The following ANKRD44 variants were observed in gnomAD, a reference collection of about 807,000 sequenced individuals.
The protein encoded by ANKRD44 is serine/threonine-protein phosphatase 6 regulatory ankyrin repeat subunit B.
ANKRD44 carries 35 observed loss-of-function variants against 116.0 expected under a neutral mutation model. The ratio of observed to expected loss-of-function variants is 0.30; its 90% CI spans 0.23 to 0.40. The LOEUF (loss-of-function observed/expected upper bound fraction) is 0.40. Among genes scored for constraint, ANKRD44 ranks in the 10% least tolerant of loss-of-function variants. The pLI, the probability that ANKRD44 is intolerant of heterozygous loss-of-function variation, is 1.00. For missense variants in ANKRD44, 1,014 were observed against 1,242.6 expected, an observed-to-expected ratio of 0.82 and a Z score of 2.77; for synonymous variants, 435 against 461.8, an observed-to-expected ratio of 0.94 and a Z score of 0.74.
intron 16 of ANKRD44, 66 bp from the exon 17 acceptor site, chr2:197,025,333 GAA>G: frequency 1.5e-6 from 2 of 1,321,178 alleles, no homozygotes; most frequent in Admixed American, 3.5e-5. Flanking sequence ...GTGTAAATGA[GAA>G]AAGAGGTTTC....
chr2:197,177,164 T>C (rs899916619), intron 2 of ANKRD44, among the ~76,000 whole-genome samples: 1 of 152,210 alleles, frequency 6.6e-6, no homozygotes, highest in African/African-American at 2.4e-5. Context: ...GAGTTATTAC[T>C]TTTCCAAAAA....
chr2:197,095,230 C>T (rs898218027), intron 10 of ANKRD44, among the ~76,000 whole-genome samples: 7 of 152,216 alleles, frequency 4.6e-5, no homozygotes, highest in African/African-American at 1.7e-4. Context: ...TTTATCACCA[C>T]ATACCTCTGC....
rs1248171247 is a variant in ANKRD44 at position 197,188,320 on chromosome 2, G to C, written c.28-1214C>G. 3.3e-5 allele frequency among the ~76,000 whole-genome samples: 5 copies of C among 152,178 alleles called. No homozygotes were observed. In the South Asian group the frequency reaches 1.0e-3, roughly 31 times the overall value. On this transcript the variant is annotated intron_variant, in intron 1 of 27. Transcript: ENST00000282272. ...GGTGTATCCAAAAAAGCTTAAGGAA[G>C]GCACCTTAATGAATAAATATGATTT...
chr2:196,990,821 A>T, intron 27 of ANKRD44: 4 of 1,232,298 alleles, frequency 3.2e-6, no homozygotes, highest in Middle Eastern at 3.0e-4. Flanking sequence ...CGAAGTTGAC[A>T]GCCATCATTG....
Position 197,203,503 on chromosome 2 carries a change from T to C in ANKRD44, c.28-16397A>G, listed in dbSNP as rs556290306. ...GAACATTGCTGATTGGAATGTATAA[T>C]AGTGCAGCTGCTGTGGAATTTTATT... On this transcript the variant is annotated intron_variant, in intron 1 of 27. Coordinates refer to ENST00000282272, the MANE Select transcript of ANKRD44 (RefSeq NM_001195144.2). The surrounding 1 kb of genome is among the most constrained non-coding windows in gnomAD (Gnocchi z 4.1). Among the ~76,000 whole-genome samples the C allele has an allele frequency of 1.3e-5, 2 of 152,318 alleles. No homozygotes were observed. Among genetic ancestry groups the C allele is most frequent in the Middle Eastern group, 3.4e-3 (1 of 294 alleles).
At chr2:197,051,767 G>A (rs1313825706) in intron 16 of ANKRD44, among the ~76,000 whole-genome samples, 2 of 152,122 alleles carry the variant, frequency 1.3e-5, no homozygotes, top group Admixed American at 1.3e-4. Context: ...CCAGGGCATT[G>A]TAACCCCTAG....
intron 1 of ANKRD44, among the ~76,000 whole-genome samples, chr2:197,193,227 G>T (rs946567065): frequency 6.6e-6 from 1 of 152,056 alleles, no homozygotes; most frequent in Admixed American, 6.5e-5. Context: ...ATCCTTTGTT[G>T]CTCCTTCCTT....
chr2:197,232,744 C>T (rs756560829), intron 1 of ANKRD44, among the ~76,000 whole-genome samples: 1 of 152,134 alleles, frequency 6.6e-6, no homozygotes, highest in Non-Finnish European at 1.5e-5. Context: ...TGTAAGTTCA[C>T]GAGGCTCCTT....
At chr2:197,278,916 G>C (rs539300289) in intron 1 of ANKRD44, among the ~76,000 whole-genome samples, 1 of 152,344 alleles carries the variant, frequency 6.6e-6, no homozygotes, top group East Asian at 1.9e-4. Context: ...CAAGAAGTCA[G>C]AGAAGAATCC....
At chr2:197,029,499 C>T in intron 16 of ANKRD44, 1 of 466,804 alleles carries the variant, frequency 2.1e-6, no homozygotes. Context: ...ATGCCTAGTG[C>T]CATATAATTC....
intron 1 of ANKRD44, among the ~76,000 whole-genome samples, chr2:197,295,612 G>T (rs1290997148): frequency 6.6e-6 from 1 of 152,130 alleles, no homozygotes; most frequent in African/African-American, 2.4e-5. Flanking sequence ...TGGAGCAGCT[G>T]CAAGAATAAA....
chr2:197,036,951 A>G (rs1259320240), intron 16 of ANKRD44, among the ~76,000 whole-genome samples: 2 of 152,268 alleles, frequency 1.3e-5, no homozygotes, highest in African/African-American at 2.4e-5. Flanking sequence ...GGTTGAGCTA[A>G]TAATTGAATA....
intron 9 of ANKRD44, among the ~76,000 whole-genome samples, chr2:197,100,722 A>C (rs555656305): frequency 6.6e-6 from 1 of 152,260 alleles, no homozygotes; most frequent in Admixed American, 6.5e-5. Flanking sequence ...TAATATTATG[A>C]CTAAAATGAG....
downstream of ANKRD44, among the ~76,000 whole-genome samples, chr2:196,985,059 C>A (rs1216632301): frequency 6.6e-6 from 1 of 152,254 alleles, no homozygotes; most frequent in Non-Finnish European, 1.5e-5. Context: ...TCAGCCTGCT[C>A]GCCCGCAAGG....
chr2:197,167,744 A>T (rs2080131283), intron 2 of ANKRD44, among the ~76,000 whole-genome samples: 1 of 152,220 alleles, frequency 6.6e-6, no homozygotes, highest in Non-Finnish European at 1.5e-5. Context: ...GGGCATGTGG[A>T]AGAAACTGAA....
chr2:197,056,063 C>A (rs924680677), intron 16 of ANKRD44, among the ~76,000 whole-genome samples: 3 of 151,982 alleles, frequency 2.0e-5, no homozygotes, highest in African/African-American at 7.2e-5. Context: ...ATTTTAAATT[C>A]TTTTCTAGAG....
intron 9 of ANKRD44, among the ~76,000 whole-genome samples, chr2:197,108,295 T>C (rs2078482240): frequency 6.6e-6 from 1 of 152,250 alleles, no homozygotes; most frequent in African/African-American, 2.4e-5. Context: ...AAAGGCTTTA[T>C]AAGTGGTGTT....
At chr2:197,128,263 G>A (rs1171107510) in intron 4 of ANKRD44, among the ~76,000 whole-genome samples, 1 of 152,186 alleles carries the variant, frequency 6.6e-6, no homozygotes, top group Non-Finnish European at 1.5e-5. Context: ...CACCAACAGT[G>A]CAAAAGCTTT....
intron 1 of ANKRD44, among the ~76,000 whole-genome samples, chr2:197,261,916 C>T (rs868248267): frequency 2.0e-5 from 3 of 152,316 alleles, no homozygotes; most frequent in Middle Eastern, 6.8e-3. Flanking sequence ...GAAAAAAACT[C>T]ACACCTCGAA....
Sources: allele counts gnomAD v4.1 joint callset (sites outside exome capture counted in the v4.1 genomes callset), GRCh38; gene constraint gnomAD v4.1.1; non-coding constraint Gnocchi (gnomAD v3.1); transcripts MANE v1.5; gene names NCBI Gene and HGNC (gene_info 2026-07-23, HGNC 2026-07-21).